DNM3: variants seen among roughly 807,000 people sequenced by gnomAD.
The protein encoded by DNM3 is dynamin 3.
In DNM3, 47 loss-of-function variants were observed where a neutral mutation model predicts 101.6. The observed-to-expected ratio is 0.46, with a 90% confidence interval of 0.37 to 0.59. The LOEUF is 0.59. DNM3 is among the 20% of genes least tolerant of loss of function. The pLI is 0.00. For synonymous variants in DNM3, 385 were observed against 387.9 expected (o/e 0.99, Z 0.09); for missense variants, 849 against 1,085.7 (o/e 0.78, Z 3.06).
intron 14 of DNM3, among the ~76,000 whole-genome samples, chr1:172,155,563 C>T (rs887178222): frequency 6.6e-6 from 1 of 151,962 alleles, no homozygotes; most frequent in African/African-American, 2.4e-5. Flanking sequence ...TTTGTCTAAG[C>T]CTACACTCAG....
At chr1:172,248,989 C>T (rs928871519) in intron 14 of DNM3, among the ~76,000 whole-genome samples, 2 of 152,090 alleles carry the variant, frequency 1.3e-5, no homozygotes, top group Non-Finnish European at 2.9e-5. Flanking sequence ...TGAACAAATA[C>T]AATAATTAAA....
chr1:172,258,097 G>A (rs1212659381), intron 15 of DNM3, among the ~76,000 whole-genome samples: 1 of 152,054 alleles, frequency 6.6e-6, no homozygotes, highest in Admixed American at 6.6e-5. Flanking sequence ...TATCCATGTT[G>A]CTGCAAATGA....
chr1:171,896,229 C>T (rs1450935279), intron 1 of DNM3, among the ~76,000 whole-genome samples: 1 of 150,274 alleles, frequency 6.7e-6, no homozygotes, highest in Non-Finnish European at 1.5e-5. Context: ...TTACCTTGGG[C>T]AGTATGGCCA....
Position 172,065,607 on chromosome 1 carries a change from G to A in DNM3, c.1336-3212G>A, listed in dbSNP as rs373447943. On this transcript the variant is annotated intron_variant, in intron 10 of 20. Coordinates refer to ENST00000627582, the MANE Select transcript of DNM3 (RefSeq NM_015569.5). ...CTGGAGAATGTTTCCAAAATGGGAA[G>A]TATGAGCTCCATTTGTATCTTGCGG... 1.6e-4 allele frequency among the ~76,000 whole-genome samples: 24 copies of A among 152,298 alleles called. No homozygotes were observed. In the East Asian group the frequency reaches 4.1e-3, roughly 26 times the overall value.
chr1:171,960,648 AC>A (rs2043157634), intron 2 of DNM3, among the ~76,000 whole-genome samples: 1 of 152,156 alleles, frequency 6.6e-6, no homozygotes, highest in Admixed American at 6.6e-5. Flanking sequence ...AGGAAGAGAA[AC>A]CTGAGCAGAT....
chr1:172,206,379 C>G (rs2060322518), intron 14 of DNM3, among the ~76,000 whole-genome samples: 8 of 152,090 alleles, frequency 5.3e-5, no homozygotes. Flanking sequence ...TTGAAACAAG[C>G]ATTGAACTGC....
At chr1:172,337,955 C>G (rs2066520902) in intron 17 of DNM3, among the ~76,000 whole-genome samples, 1 of 139,632 alleles carries the variant, frequency 7.2e-6, no homozygotes, top group African/African-American at 2.6e-5. Context: ...TGGCTTTTGT[C>G]CCCTAGGCTG....
Position 172,401,758 on chromosome 1 carries a change from G to A in DNM3, c.2523-6014G>A, listed in dbSNP as rs530556244. ...CTACAGCCAAAAATTCCAAAAATAT[G>A]CTGAATAGCACCCTATAGTATTTCT... On this transcript the variant is annotated intron_variant, in intron 20 of 20. Transcript: ENST00000627582. Among the ~76,000 whole-genome samples, 55 of 152,222 alleles carry A rather than the reference G, an allele frequency of 3.6e-4. 1 individual carries two copies. In the South Asian group the frequency reaches 0.011, roughly 30 times the overall value.
chr1:172,281,916 T>C (rs922849763), intron 15 of DNM3, among the ~76,000 whole-genome samples: 2 of 152,234 alleles, frequency 1.3e-5, no homozygotes, highest in Admixed American at 6.5e-5. Flanking sequence ...ATAACTCTTA[T>C]GTATTTACAA....
At chr1:172,118,652 T>C (rs1281515119) in intron 13 of DNM3, among the ~76,000 whole-genome samples, 2 of 151,830 alleles carry the variant, frequency 1.3e-5, no homozygotes, top group Admixed American at 6.6e-5. Context: ...CATGGGAAAA[T>C]TTCACCTCTG....
intron 1 of DNM3, among the ~76,000 whole-genome samples, chr1:171,898,099 G>A (rs933077534): frequency 6.6e-6 from 1 of 152,044 alleles, no homozygotes; most frequent in Non-Finnish European, 1.5e-5. Flanking sequence ...GTTGTATTTG[G>A]CAAGAACTTC....
At chr1:172,296,319 G>A (rs555139139) in intron 15 of DNM3, among the ~76,000 whole-genome samples, 2 of 152,354 alleles carry the variant, frequency 1.3e-5, no homozygotes, top group East Asian at 3.9e-4. Flanking sequence ...CACTAGTTGT[G>A]TGATTCCTTC....
intron 14 of DNM3, among the ~76,000 whole-genome samples, chr1:172,179,012 AGCCAGG>A (rs1267913071): frequency 6.6e-6 from 1 of 152,006 alleles, no homozygotes; most frequent in African/African-American, 2.4e-5. Flanking sequence ...AATACTCTAA[AGCCAGG>A]GCGGTGATAG....
chr1:172,263,392 T>C (rs1451485877), intron 15 of DNM3, among the ~76,000 whole-genome samples: 1 of 152,258 alleles, frequency 6.6e-6, no homozygotes, highest in African/African-American at 2.4e-5. Context: ...TATTCTGTTA[T>C]GCATTCCAAA....
chr1:171,866,244 A>C (rs1243382059), intron 1 of DNM3, among the ~76,000 whole-genome samples: 2 of 150,482 alleles, frequency 1.3e-5, no homozygotes, highest in Non-Finnish European at 3.0e-5. Context: ...GCACTACTCT[A>C]ATCGCTCCCT....
intron 15 of DNM3, among the ~76,000 whole-genome samples, chr1:172,279,962 CA>C (rs1253635732): frequency 2.0e-5 from 3 of 152,038 alleles, no homozygotes; most frequent in Admixed American, 1.3e-4. Flanking sequence ...ATCAAGCTGA[CA>C]AAAAAATTCA....
chr1:172,109,249 C>T (rs921131296), intron 13 of DNM3, among the ~76,000 whole-genome samples: 4 of 152,190 alleles, frequency 2.6e-5, no homozygotes, highest in Non-Finnish European at 4.4e-5. Flanking sequence ...TCTCTTCAAA[C>T]ATCTCTTTCT....
intron 14 of DNM3, among the ~76,000 whole-genome samples, chr1:172,179,302 T>G (rs1334385303): frequency 6.6e-6 from 1 of 152,014 alleles, no homozygotes; most frequent in Non-Finnish European, 1.5e-5. Context: ...TGACAAAGTT[T>G]GTTACTCCCA....
chr1:172,333,327 G>C (rs544230912), intron 17 of DNM3, among the ~76,000 whole-genome samples: 4 of 152,298 alleles, frequency 2.6e-5, no homozygotes, highest in Admixed American at 2.6e-4. Flanking sequence ...GAACAAGTGA[G>C]TATAAGGCAC....
Sources: gnomAD v4.1 joint callset for allele counts (sites outside exome capture counted in the v4.1 genomes callset) on GRCh38, gnomAD v4.1.1 for gene constraint, MANE v1.5 for transcripts, NCBI Gene and HGNC (gene_info 2026-07-23, HGNC 2026-07-21) for gene names.